Variants in PACRG observed in about 807,000 individuals in gnomAD.
The protein encoded by PACRG is parkin coregulated gene protein.
PACRG carries 29 observed loss-of-function variants against 29.7 expected under a neutral mutation model. The observed-to-expected ratio is 0.98, with a 90% CI of 0.73 to 1.33. The LOEUF is 1.33. Among genes scored for constraint, PACRG ranks in the 40% most tolerant of loss-of-function variants. PACRG has a pLI of 0.00. For synonymous variants in PACRG, 116 were observed against 118.7 expected (o/e 0.98, Z 0.15); for missense variants, 279 against 316.2 (o/e 0.88, Z 0.89).
At chr6:163,242,479 T>C (rs1782542553) in intron 4 of PACRG, among the ~76,000 whole-genome samples, 1 of 152,240 alleles carries the variant, frequency 6.6e-6, no homozygotes, top group African/African-American at 2.4e-5. Context: ...TCCTCTTGAT[T>C]TATAAGGCTC....
upstream of PACRG, chr6:162,727,336 A>AGGTGAGGGGCGGCGGCGGGGT: frequency 3.6e-6 from 1 of 274,936 alleles, no homozygotes; most frequent in Non-Finnish European, 6.5e-6. Flanking sequence ...GGCGGCGGGG[A>AGGTGAGGGGCGGCGGCGGGGT]GAAGGCTTCG....
At chr6:163,241,444 CCG>C (rs1276453327) in intron 4 of PACRG, among the ~76,000 whole-genome samples, 1 of 152,222 alleles carries the variant, frequency 6.6e-6, no homozygotes, top group Non-Finnish European at 1.5e-5. Flanking sequence ...CGCAGCCCTT[CCG>C]TGATCATCTG....
chr6:163,110,430 G>A (rs972965182), intron 4 of PACRG, among the ~76,000 whole-genome samples: 43 of 152,180 alleles, frequency 2.8e-4, no homozygotes, highest in Admixed American at 1.3e-4. Flanking sequence ...AGTTCAAAGT[G>A]CCAGTGACAA....
intron 4 of PACRG, among the ~76,000 whole-genome samples, chr6:163,261,727 T>G (rs1396425898): frequency 6.6e-6 from 1 of 152,196 alleles, no homozygotes; most frequent in East Asian, 1.9e-4. Flanking sequence ...TATACAGAAA[T>G]TTTTTCTTGT....
chr6:162,799,638 T>G (rs1785685017), intron 1 of PACRG, among the ~76,000 whole-genome samples: 2 of 152,050 alleles, frequency 1.3e-5, no homozygotes, highest in Admixed American at 6.5e-5. Flanking sequence ...CCCTTTTTTT[T>G]TTCTTACTAC....
At chr6:163,013,402 G>A (rs1423043909) in intron 2 of PACRG, among the ~76,000 whole-genome samples, 5 of 150,588 alleles carry the variant, frequency 3.3e-5, no homozygotes, top group Non-Finnish European at 5.9e-5. Context: ...TATTTGTATT[G>A]CAATAATAAC....
chr6:162,829,858 G>A (rs183194741), intron 2 of PACRG, among the ~76,000 whole-genome samples: 7 of 152,084 alleles, frequency 4.6e-5, no homozygotes, highest in Non-Finnish European at 8.8e-5. Flanking sequence ...TTTGGGGATC[G>A]CTGTCCTGAC....
At chr6:162,874,151 A>AAAAATATATAT (rs67812561) in intron 2 of PACRG, among the ~76,000 whole-genome samples, 7 of 136,312 alleles carry the variant, frequency 5.1e-5, no homozygotes, top group Non-Finnish European at 9.3e-5. Context: ...AAAAAAAAAA[A>AAAAATATATAT]ATATATATAT....
At chr6:162,972,733 T>G (rs1801636025) in intron 2 of PACRG, among the ~76,000 whole-genome samples, 1 of 152,178 alleles carries the variant, frequency 6.6e-6, no homozygotes, top group Admixed American at 6.5e-5. Context: ...AAGCTGCCTT[T>G]CAATGGATTT....
rs1562582605 is a variant in PACRG at position 162,773,493 on chromosome 6, C to CTTTTTTTTTTT, written c.157-40654_157-40653insTTTTTTTTTTT. On this transcript the variant is annotated intron_variant, in intron 1 of 4. Coordinates refer to ENST00000366888, the MANE Select transcript of PACRG (RefSeq NM_001080379.2). ...GATATTTGGTATTTTTACAGCTTGT[C>CTTTTTTTTTTT]ATTTTTTTTTTTTTTTTTTTTTTTT... Among the ~76,000 whole-genome samples, 46 of 82,744 alleles carry CTTTTTTTTTTT rather than the reference C, an allele frequency of 5.6e-4. 1 individual carries two copies. Among genetic ancestry groups the CTTTTTTTTTTT allele is most frequent in the African/African-American group, 2.1e-3 (45 of 21,014 alleles). The allele number at this position is 82,744 out of a possible 152,430, so 54.3% of individuals were successfully genotyped here. A position where few individuals can be genotyped will look rare whatever the true frequency, so the allele number is the denominator to read the frequency against.
At chr6:163,157,458 C>T (rs777759983) in intron 4 of PACRG, among the ~76,000 whole-genome samples, 11 of 152,346 alleles carry the variant, frequency 7.2e-5, no homozygotes, top group Non-Finnish European at 1.0e-4. Flanking sequence ...TTCATTGCAC[C>T]TTGCTGGTTA....
At chr6:162,855,476 C>T (rs944542785) in intron 2 of PACRG, among the ~76,000 whole-genome samples, 2 of 151,748 alleles carry the variant, frequency 1.3e-5, no homozygotes, top group African/African-American at 4.8e-5. Context: ...TTATTATAGC[C>T]ATCTGTCTTA....
chr6:163,106,946 G>GA (rs1815416173), intron 4 of PACRG, among the ~76,000 whole-genome samples: 1 of 152,242 alleles, frequency 6.6e-6, no homozygotes, highest in Non-Finnish European at 1.5e-5. Flanking sequence ...TTGAAAAGAG[G>GA]AAAAAAGGCT....
intron 2 of PACRG, among the ~76,000 whole-genome samples, chr6:163,040,617 C>T (rs144760626): frequency 6.6e-6 from 1 of 152,344 alleles, no homozygotes; most frequent in East Asian, 1.9e-4. Flanking sequence ...TGGGAGCCCA[C>T]CTCTTTCATC....
At chr6:163,202,623 G>C (rs1780751392) in intron 4 of PACRG, among the ~76,000 whole-genome samples, 1 of 152,082 alleles carries the variant, frequency 6.6e-6, no homozygotes, top group Admixed American at 6.6e-5. Flanking sequence ...TGTAACGATG[G>C]TTTTCATATT....
intron 4 of PACRG, chr6:163,312,845 T>C (rs1381790336): frequency 4.8e-6 from 2 of 414,198 alleles, no homozygotes; most frequent in Admixed American, 5.2e-5. Context: ...CTCGACCACC[T>C]GGGCTCAAGT....
intron 2 of PACRG, among the ~76,000 whole-genome samples, chr6:162,939,287 A>C (rs566309239): frequency 6.6e-6 from 1 of 152,354 alleles, no homozygotes; most frequent in African/African-American, 2.4e-5. Context: ...CTAAGACCTG[A>C]AACTATAAAA....
chr6:163,119,900 T>C (rs1443251946), intron 4 of PACRG, among the ~76,000 whole-genome samples: 1 of 152,206 alleles, frequency 6.6e-6, no homozygotes, highest in Non-Finnish European at 1.5e-5. Flanking sequence ...GGGCTTATTA[T>C]TCAAATCAAA....
chr6:162,739,621 AT>A (rs1780417447), intron 1 of PACRG, among the ~76,000 whole-genome samples: 1 of 152,092 alleles, frequency 6.6e-6, no homozygotes, highest in Non-Finnish European at 1.5e-5. Flanking sequence ...ACGCAGGTGA[AT>A]CACGAGGTCA....
Sources: gnomAD v4.1 joint callset for allele counts (sites outside exome capture counted in the v4.1 genomes callset) on GRCh38, gnomAD v4.1.1 for gene constraint, MANE v1.5 for transcripts, NCBI Gene and HGNC (gene_info 2026-07-23, HGNC 2026-07-21) for gene names.